NOL4: variants seen among roughly 807,000 people sequenced by gnomAD.
The protein encoded by NOL4 is nucleolar protein 4, also known as cancer/testis antigen 125.
NOL4 carries 17 observed loss-of-function variants against 75.9 expected under a neutral mutation model. That is an observed-to-expected ratio of 0.22 (90% CI 0.15 to 0.34). The LOEUF is 0.34. Ranked by LOEUF, NOL4 falls within the 10% of genes least tolerant of loss-of-function variation. The pLI is 1.00. For missense variants in NOL4, 614 were observed against 793.5 expected (o/e 0.77, Z 2.72); for synonymous variants, 292 against 289.9 (o/e 1.01, Z -0.07).
chr18:33,918,435 T>A (rs938673502), intron 9 of NOL4, among the ~76,000 whole-genome samples: 5 of 152,184 alleles, frequency 3.3e-5, no homozygotes, highest in Non-Finnish European at 2.9e-5. Flanking sequence ...TACTGATATA[T>A]ATGTTATTTA....
At chr18:33,863,452 G>A (rs1371721390) in intron 10 of NOL4, among the ~76,000 whole-genome samples, 1 of 152,122 alleles carries the variant, frequency 6.6e-6, no homozygotes, top group Non-Finnish European at 1.5e-5. Context: ...CCAAGATACA[G>A]TGGGGATACA....
chr18:34,061,038 G>A (rs1221366058), intron 5 of NOL4, among the ~76,000 whole-genome samples: 1 of 152,110 alleles, frequency 6.6e-6, no homozygotes, highest in African/African-American at 2.4e-5. Context: ...ATTACTTAGA[G>A]AAATGTCTGA....
At chr18:34,053,051 A>G (rs1208512445) in intron 5 of NOL4, among the ~76,000 whole-genome samples, 1 of 152,016 alleles carries the variant, frequency 6.6e-6, no homozygotes, top group Admixed American at 6.6e-5. Flanking sequence ...CAGGGAAAAC[A>G]CCAATTTTGG....
At chr18:33,990,573 C>T (rs2072844732) in intron 6 of NOL4, among the ~76,000 whole-genome samples, 1 of 150,676 alleles carries the variant, frequency 6.6e-6, no homozygotes, top group Non-Finnish European at 1.5e-5. Context: ...CATTGGGCTG[C>T]TATACTCCTA....
intron 9 of NOL4, among the ~76,000 whole-genome samples, chr18:33,922,977 C>T (rs928286678): frequency 1.3e-5 from 2 of 152,102 alleles, no homozygotes; most frequent in Non-Finnish European, 2.9e-5. Context: ...ATAGAGTCAA[C>T]ATATTCATTT....
intron 1 of NOL4, among the ~76,000 whole-genome samples, chr18:34,160,115 A>G (rs550091058): frequency 6.6e-6 from 1 of 152,186 alleles, no homozygotes; most frequent in Non-Finnish European, 1.5e-5. Context: ...CAGCTAAGTC[A>G]ACGGGGACTC....
chr18:34,186,029 CTTG>C (rs1411401638), intron 1 of NOL4, among the ~76,000 whole-genome samples: 4 of 152,116 alleles, frequency 2.6e-5, no homozygotes, highest in African/African-American at 9.7e-5. Flanking sequence ...AGTCATCAAG[CTTG>C]TTGTGGTAAT....
chr18:33,917,382 T>G (rs958127), intron 9 of NOL4, among the ~76,000 whole-genome samples: 57,383 of 151,864 alleles, frequency 0.38, 10,980 homozygotes, highest in Admixed American at 0.44. Flanking sequence ...CCACATAAAT[T>G]AGGTAATATT....
chr18:33,963,496 G>T (rs1218306192), intron 6 of NOL4, among the ~76,000 whole-genome samples: 1 of 151,862 alleles, frequency 6.6e-6, no homozygotes, highest in Non-Finnish European at 1.5e-5. Context: ...CTATAGCCTA[G>T]GAAACCTTCA....
At chr18:33,886,703 C>T (rs937549346) in intron 9 of NOL4, among the ~76,000 whole-genome samples, 48 of 146,774 alleles carry the variant, frequency 3.3e-4, no homozygotes, top group African/African-American at 1.1e-3. Flanking sequence ...GCCCATTCTC[C>T]ATGATATGCT....
In NOL4 at chr18:34,222,127, C is replaced by T. The variant is rs530125791; in HGVS notation, c.264+863G>A. 2.0e-6 allele frequency: 3 copies of T among 1,532,760 alleles called. No individual in the cohort carries two copies. The East Asian group carries it at 7.4e-5, about 38-fold the overall frequency. The allele number at this position is 1,532,760 out of a possible 1,614,324, so 94.9% of individuals were successfully genotyped here. A position where few individuals can be genotyped will look rare whatever the true frequency, so the allele number is the denominator to read the frequency against. ...ATCGACGCTGCTGCGGCTCCCCAGC[C>T]CCACTGGCTTCTGCAGCGTGAGGCT... On this transcript the variant is annotated intron_variant, in intron 1 of 10. Coordinates refer to ENST00000261592, the MANE Select transcript of NOL4 (RefSeq NM_003787.5).
At chr18:34,137,503 G>A (rs2080941754) in intron 1 of NOL4, among the ~76,000 whole-genome samples, 1 of 152,064 alleles carries the variant, frequency 6.6e-6, no homozygotes, top group South Asian at 2.1e-4. Context: ...CCAAAAAGAT[G>A]TTTAAATGAC....
chr18:34,002,210 T>G (rs983594866), intron 6 of NOL4, among the ~76,000 whole-genome samples: 3 of 152,112 alleles, frequency 2.0e-5, no homozygotes, highest in African/African-American at 4.8e-5. Context: ...GTATAATTTA[T>G]AAGGACTTTT....
At chr18:34,052,512 G>A (rs911048314) in intron 5 of NOL4, among the ~76,000 whole-genome samples, 1 of 152,046 alleles carries the variant, frequency 6.6e-6, no homozygotes, top group Non-Finnish European at 1.5e-5. Context: ...AAACTTTGGA[G>A]TATCTGTCAG....
At chr18:34,193,214 G>T (rs1044907507) in intron 1 of NOL4, among the ~76,000 whole-genome samples, 9 of 151,898 alleles carry the variant, frequency 5.9e-5, no homozygotes, top group African/African-American at 2.2e-4. Flanking sequence ...ATGATTTTTT[G>T]ATATATACCC....
chr18:34,132,003 G>A (rs1192145880), intron 1 of NOL4, among the ~76,000 whole-genome samples: 1 of 152,160 alleles, frequency 6.6e-6, no homozygotes, highest in East Asian at 1.9e-4. Flanking sequence ...TAATCCTGGA[G>A]GCCAGAAGTC....
intron 1 of NOL4, among the ~76,000 whole-genome samples, chr18:34,137,010 A>G (rs1431046043): frequency 6.6e-6 from 1 of 152,158 alleles, no homozygotes; most frequent in Non-Finnish European, 1.5e-5. Context: ...AAAGCCTTCC[A>G]TTTATTCAGT....
intron 6 of NOL4, among the ~76,000 whole-genome samples, chr18:33,994,888 A>C (rs768998610): frequency 6.6e-6 from 1 of 151,694 alleles, no homozygotes; most frequent in African/African-American, 2.4e-5. Context: ...AAAAGACAAA[A>C]CTTTAGTAGA....
In NOL4 at chr18:34,129,987, G is replaced by T. The variant is rs779567940; in HGVS notation, c.298C>A (p.Arg100=). The T allele has an allele frequency of 1.3e-6, 2 of 1,592,658 alleles. No homozygotes were observed. ...AAATCTTCAACCACAGCTACCCGTC[G>T]TAAAGATAGCTTCTCATCTACCCCT... ...GVGVDEKLSL[R]RVAVVEDFFD... Residue 100 remains arginine (R), a synonymous_variant, in exon 2 of 11, where the codon CGA becomes AGA. Coordinates refer to ENST00000261592, the MANE Select transcript of NOL4 (RefSeq NM_003787.5).
Sources: gnomAD v4.1 joint callset for allele counts (sites outside exome capture counted in the v4.1 genomes callset) on GRCh38, gnomAD v4.1.1 for gene constraint, MANE v1.5 for transcripts, NCBI Gene and HGNC (gene_info 2026-07-23, HGNC 2026-07-21) for gene names.